Variants in AKT2 observed in about 807,000 individuals in gnomAD.
The protein encoded by AKT2 is RAC-beta serine/threonine-protein kinase.
AKT2 carries 16 observed loss-of-function variants against 58.6 expected under a neutral mutation model. That is an observed-to-expected ratio of 0.27 (90% confidence interval 0.18 to 0.41). AKT2 has a LOEUF of 0.41. Ranked by LOEUF, AKT2 falls within the 10% of genes least tolerant of loss-of-function variation. The pLI is 1.00. For synonymous variants in AKT2, 253 were observed against 254.0 expected (o/e 1.00, Z 0.04); for missense variants, 438 against 661.0 (o/e 0.66, Z 3.70).
At chr19:40,239,675 T>G in intron 7 of AKT2, 1 of 396,952 alleles carries the variant, frequency 2.5e-6, no homozygotes, top group Non-Finnish European at 4.9e-6. Context: ...AACACAATGC[T>G]AACACATCTG....
In AKT2 at chr19:40,231,157, T is replaced by G. The variant is rs1973682754; in HGVS notation, c.*2715A>C. On this transcript the variant is annotated 3_prime_UTR_variant, in exon 14 of 14. Transcript: ENST00000392038. ...TTCAAACACCCTTCTTGGGAAAAGCTCTACAGGATAACCACACATGCTCAA... is the reference window on the plus strand; with the variant it reads ...TTCAAACACCCTTCTTGGGAAAAGCGCTACAGGATAACCACACATGCTCAA... The G allele has an allele frequency of 8.6e-6, 2 of 231,666 alleles. No individual in the cohort carries two copies. Among genetic ancestry groups the G allele is most frequent in the African/African-American group, 4.4e-5 (2 of 45,232 alleles). 14.4% of individuals were successfully genotyped at this position (231,666 alleles called of 1,614,324 possible). A position where few individuals can be genotyped will look rare whatever the true frequency, so the allele number is the denominator to read the frequency against.
At chr19:40,265,587 G>A in intron 1 of AKT2, 1 of 499,826 alleles carries the variant, frequency 2.0e-6, no homozygotes, top group Non-Finnish European at 3.6e-6. Flanking sequence ...GCGCAGGCCA[G>A]ACCCCAAACT....
chr19:40,276,011 C>CAA (rs748730960), intron 1 of AKT2, among the ~76,000 whole-genome samples: 148 of 107,148 alleles, frequency 1.4e-3, no homozygotes, highest in African/African-American at 4.6e-3. Flanking sequence ...GACTCCGTCT[C>CAA]AAAAAAAAAA....
rs55894512 is a variant in AKT2 at position 40,230,730 on chromosome 19, T to TTTA, written c.*3141_*3142insTAA. On this transcript the variant is annotated 3_prime_UTR_variant, in exon 14 of 14. Transcript: ENST00000392038. The stretch of plus-strand genomic sequence containing the variant: ...GCATGTATCATGTTTTTTTTTTTTT[T>TTTA]ATTTTTAGAGACACAGTCTCATTGT... 1 of 205,122 alleles carries TTTA rather than the reference T, an allele frequency of 4.9e-6. No individual in the cohort carries two copies. The highest frequency in any genetic ancestry group is 2.3e-5 in the African/African-American group (1 of 43,722). 12.7% of individuals were successfully genotyped at this position (205,122 alleles called of 1,614,324 possible).
Position 40,236,241 on chromosome 19 carries a change from C to CA in AKT2, c.960+15dup. 1 of 1,613,710 alleles carries CA rather than the reference C, an allele frequency of 6.2e-7. No homozygotes were observed. Reference sequence around the variant, plus strand: ...CCTTGGCCTCACACGTTCCTACCCCCACCAACCCCAGACACCTCAGGCGCC... The same window carrying CA: ...CCTTGGCCTCACACGTTCCTACCCCCAACCAACCCCAGACACCTCAGGCGCC... On this transcript the variant is annotated intron_variant, in intron 10 of 13. Coordinates refer to ENST00000392038, the MANE Select transcript of AKT2 (RefSeq NM_001626.6).
chr19:40,275,564 G>A, intron 1 of AKT2: 1 of 348,132 alleles, frequency 2.9e-6, no homozygotes, highest in South Asian at 2.2e-5. Flanking sequence ...TGCAGGAGAG[G>A]GACCGCAACC....
At chr19:40,272,045 C>T (rs1470437502) in intron 1 of AKT2, among the ~76,000 whole-genome samples, 1 of 152,230 alleles carries the variant, frequency 6.6e-6, no homozygotes, top group Non-Finnish European at 1.5e-5. Context: ...TAGCCCATAC[C>T]ACGTGCCAGG....
rs2145204281 is a variant in AKT2 at position 40,242,062 on chromosome 19, T to C, written c.449A>G (p.Asn150Ser). The C allele has an allele frequency of 6.2e-7, 1 of 1,614,202 alleles. No homozygotes were observed. The highest frequency in any genetic ancestry group is 8.5e-7 in the Non-Finnish European group (1 of 1,180,026). ...AAGGAGTTTGAGATAGTCGAAGTCA[T>C]TCATGGTCTGCCAGGGACAGGGAGA... is the stretch of plus-strand genomic sequence containing the variant. Reference protein sequence around the residue: ...VSKARAKVTMNDFDYLKLLGK... With the variant: ...VSKARAKVTMSDFDYLKLLGK... Residue 150 changes from asparagine to serine, a missense_variant, in exon 6 of 14, where the codon AAT (asparagine) becomes AGT (serine). Asn to Ser is a conservative substitution (Grantham distance 46). Transcript: ENST00000392038. This position sits in a 1 kb window ranked among gnomAD's most constrained non-coding sequence, Gnocchi z 4.3.
intron 1 of AKT2, chr19:40,283,100 C>T (rs1045239428): frequency 1.3e-5 from 2 of 153,004 alleles, no homozygotes; most frequent in Non-Finnish European, 2.9e-5. Context: ...CCCTGTCACA[C>T]GCCTGGCATG....
In AKT2 at chr19:40,260,628, C is replaced by CAAAAAAAAAAA. The variant is rs34124347; in HGVS notation, c.47-3585_47-3575dup. Among the ~76,000 whole-genome samples, 7 of 25,004 alleles carry CAAAAAAAAAAA rather than the reference C, an allele frequency of 2.8e-4. 1 individual carries two copies. The highest frequency in any genetic ancestry group is 4.7e-4 in the African/African-American group (2 of 4,300). 16.4% of individuals were successfully genotyped at this position (25,004 alleles called of 152,430 possible). On this transcript the variant is annotated intron_variant, in intron 2 of 13. Coordinates refer to ENST00000392038, the MANE Select transcript of AKT2 (RefSeq NM_001626.6). ...CTGGTGACAGAGTGAGATTCCATCT[C>CAAAAAAAAAAA]AAAAAAAAAAAAAAAAAAAAAAAAA...
intron 1 of AKT2, among the ~76,000 whole-genome samples, chr19:40,275,764 TG>T (rs1004974778): frequency 0.34 from 1,580 of 4,716 alleles, 123 homozygotes; most frequent in African/African-American, 0.41. Flanking sequence ...TTTGGGAGGC[TG>T]GGGGGGGGGG....
At chr19:40,254,959 G>T (rs908181113) in intron 4 of AKT2, among the ~76,000 whole-genome samples, 199 bp downstream of exon 4, 1 of 152,102 alleles carries the variant, frequency 6.6e-6, no homozygotes, top group Non-Finnish European at 1.5e-5. Flanking sequence ...CGATGCACCC[G>T]CAAGTCAAAG....
At chr19:40,252,841 C>T (rs572679002) in intron 4 of AKT2, among the ~76,000 whole-genome samples, 1 of 152,310 alleles carries the variant, frequency 6.6e-6, no homozygotes, top group African/African-American at 2.4e-5. Flanking sequence ...CACCCAGGAC[C>T]TATACACCCA....
chr19:40,276,103 A>C (rs2077317388), intron 1 of AKT2, among the ~76,000 whole-genome samples: 1 of 151,922 alleles, frequency 6.6e-6, no homozygotes, highest in African/African-American at 2.4e-5. Context: ...CCGGGAGCTT[A>C]AAGGCAGGAG....
intron 4 of AKT2, among the ~76,000 whole-genome samples, chr19:40,247,594 A>C (rs774920321): frequency 2.3e-4 from 35 of 152,164 alleles, no homozygotes; most frequent in Non-Finnish European, 4.7e-4. Context: ...CAGGGAGCCC[A>C]CGGGAAAAGC....
At chr19:40,265,159 C>A in intron 2 of AKT2, 63 bp downstream of exon 2, 1 of 1,584,298 alleles carries the variant, frequency 6.3e-7, no homozygotes, top group Non-Finnish European at 8.6e-7. Context: ...CCTCTCAGGG[C>A]ACAGCTTTCC....
intron 1 of AKT2, chr19:40,284,695 G>A (rs1385814545): frequency 2.6e-5 from 4 of 152,600 alleles, no homozygotes; most frequent in Non-Finnish European, 4.4e-5. Flanking sequence ...GTTCTAAGCA[G>A]GGCTCCCCCA....
intron 1 of AKT2, among the ~76,000 whole-genome samples, chr19:40,271,267 A>G (rs2077210492): frequency 6.8e-6 from 1 of 147,816 alleles, no homozygotes; most frequent in Non-Finnish European, 1.5e-5. Context: ...ATATACATAT[A>G]TATATATATA....
rs745497338 is a variant in AKT2 at position 40,236,019 on chromosome 19, G to A, written c.1046C>T (p.Pro349Leu). Residue 349 changes from proline (P) to leucine (L), a missense_variant, in exon 11 of 14, where the codon CCC becomes CTC. By Grantham distance (98) the Pro-to-Leu change is moderately conservative. Transcript: ENST00000392038. The part of the protein sequence containing the change: ...VMYEMMCGRL[P>L]FYNQDHERLF... ...GCGCTCGTGGTCCTGGTTGTAGAAG[G>A]GCAGGCGGCCGCACATCATCTCGTA... is the stretch of plus-strand genomic sequence containing the variant. 6.2e-7 allele frequency: 1 copy of A among 1,614,132 alleles called. No homozygotes were observed. Among genetic ancestry groups the A allele is most frequent in the Non-Finnish European group, 8.5e-7 (1 of 1,180,026 alleles).
Sources: allele counts gnomAD v4.1 joint callset (sites outside exome capture counted in the v4.1 genomes callset), GRCh38; gene constraint gnomAD v4.1.1; non-coding constraint Gnocchi (gnomAD v3.1); transcripts MANE v1.5; gene names NCBI Gene and HGNC (gene_info 2026-07-23, HGNC 2026-07-21).